C10orf90: variants seen among roughly 807,000 people sequenced by gnomAD.
The protein encoded by C10orf90 is (E2-independent) E3 ubiquitin-conjugating enzyme FATS.
C10orf90 carries 56 observed loss-of-function variants against 62.5 expected under a neutral mutation model. That is an observed-to-expected ratio of 0.90 (90% CI 0.72 to 1.12). C10orf90 has a LOEUF of 1.12. Ranked by LOEUF, C10orf90 falls within the 50% of genes most tolerant of loss-of-function variation. The pLI, the probability that C10orf90 is intolerant of heterozygous loss-of-function variation, is 0.00. For missense variants in C10orf90, 970 were observed against 880.4 expected (o/e 1.10, Z -1.29); for synonymous variants, 386 against 340.4 (o/e 1.13, Z -1.47).
chr10:126,549,436 G>A (rs907876919), intron 2 of C10orf90, among the ~76,000 whole-genome samples: 2 of 152,156 alleles, frequency 1.3e-5, no homozygotes, highest in African/African-American at 4.8e-5. Flanking sequence ...AGCCATTAGG[G>A]AAATGCAAAT....
At chr10:126,535,748 C>T (rs1564861546) in intron 2 of C10orf90, among the ~76,000 whole-genome samples, 1 of 152,152 alleles carries the variant, frequency 6.6e-6, no homozygotes, top group African/African-American at 2.4e-5. Context: ...CTGCCTTAGC[C>T]AGCCGAGCTT....
At chr10:126,648,813 T>C (rs1846221597) in intron 1 of C10orf90, among the ~76,000 whole-genome samples, 2 of 152,210 alleles carry the variant, frequency 1.3e-5, no homozygotes, top group Non-Finnish European at 2.9e-5. Context: ...TCTTGTGTGG[T>C]TCTTTTAAGA....
chr10:126,426,053 C>CT lies in C10orf90; in HGVS notation c.2289dup (p.Glu764ArgfsTer12). 1 of 1,614,142 alleles carries CT rather than the reference C, an allele frequency of 6.2e-7. No homozygotes were observed. The highest frequency in any genetic ancestry group is 8.5e-7 in the Non-Finnish European group (1 of 1,179,994). Reference sequence around the variant, plus strand: ...AAGATCACCCTTTTCCTTTGTTCTTCTTTTTTCTTTTTAACTTCCGGCAAG... The same window carrying CT: ...AAGATCACCCTTTTCCTTTGTTCTTCTTTTTTTCTTTTTAACTTCCGGCAAG... On this transcript the variant is annotated frameshift_variant, in exon 9 of 10. Coordinates refer to ENST00000488181, the MANE Select transcript of C10orf90 (RefSeq NM_001350921.2). LOFTEE classifies it high-confidence loss of function.
At chr10:126,474,479 A>G (rs911612008) in intron 4 of C10orf90, among the ~76,000 whole-genome samples, 6 of 152,206 alleles carry the variant, frequency 3.9e-5, no homozygotes, top group Admixed American at 3.9e-4. Context: ...AACTACTCTC[A>G]GAAAAAGGAC....
intron 7 of C10orf90, among the ~76,000 whole-genome samples, chr10:126,431,925 G>A (rs1313800692): frequency 6.6e-6 from 1 of 152,052 alleles, no homozygotes; most frequent in Non-Finnish European, 1.5e-5. Flanking sequence ...ACTCGGCTCA[G>A]CCTGCTGTGC....
Position 126,504,144 on chromosome 10 carries a change from C to T in C10orf90, c.1347G>A (p.Arg449=). Residue 449 remains arginine, a synonymous_variant, in exon 4 of 10, where the codon CGG becomes CGA. Transcript: ENST00000488181. The surrounding 1 kb of genome is among the most constrained non-coding windows in gnomAD (Gnocchi z 4.1). The part of the protein sequence containing the change: ...SHLKETPSLR[R]VHLGTGACPW... ...GACAAGCGCCGGTCCCCAAATGCAC[C>T]CGCCTCAACGATGGGGTTTCCTTCA... 6.2e-7 allele frequency: 1 copy of T among 1,614,152 alleles called. No homozygotes were observed. Among genetic ancestry groups the T allele is most frequent in the Non-Finnish European group, 8.5e-7 (1 of 1,180,034 alleles).
intron 4 of C10orf90, chr10:126,502,635 T>G: frequency 3.3e-6 from 1 of 303,136 alleles, no homozygotes; most frequent in Non-Finnish European, 6.6e-6. Flanking sequence ...TCCAAATTAT[T>G]ATTTCACACC....
chr10:126,669,992 G>A lies in C10orf90; in HGVS notation c.240+249C>T, dbSNP rs184429009. On this transcript the variant is annotated intron_variant, in intron 1 of 9. Transcript: ENST00000488181. ...CAGTAGTCTTTGGAGCACCAATAAAGTTTGTAAATGCAGACATGTGTCATC... is the reference window on the plus strand; with the variant it reads ...CAGTAGTCTTTGGAGCACCAATAAAATTTGTAAATGCAGACATGTGTCATC... 2.0e-3 allele frequency among the ~76,000 whole-genome samples: 306 copies of A among 152,234 alleles called. 1 individual carries two copies. The highest frequency in any genetic ancestry group is 7.1e-3 in the African/African-American group (294 of 41,548).
intron 2 of C10orf90, among the ~76,000 whole-genome samples, chr10:126,621,999 G>A (rs1048948463): frequency 1.3e-5 from 2 of 151,892 alleles, no homozygotes; most frequent in Non-Finnish European, 1.5e-5. Context: ...CAGATTCCCA[G>A]GTTAGCAAGC....
At chr10:126,604,282 A>T (rs1180322929) in intron 2 of C10orf90, among the ~76,000 whole-genome samples, 4 of 152,118 alleles carry the variant, frequency 2.6e-5, no homozygotes, top group African/African-American at 4.8e-5. Flanking sequence ...AACCAGCATC[A>T]CCTGGGCATC....
At chr10:126,615,349 GT>G (rs1845519290) in intron 2 of C10orf90, among the ~76,000 whole-genome samples, 1 of 152,174 alleles carries the variant, frequency 6.6e-6, no homozygotes, top group African/African-American at 2.4e-5. Flanking sequence ...CAGATGTGAG[GT>G]CTTGGATACC....
intron 2 of C10orf90, among the ~76,000 whole-genome samples, chr10:126,518,863 C>T (rs1185166896): frequency 6.6e-6 from 1 of 152,162 alleles, no homozygotes; most frequent in Admixed American, 6.5e-5. Context: ...CCACAAGGCC[C>T]TGAGTCAAGT....
At chr10:126,426,848 T>C (rs1857296041) in intron 8 of C10orf90, among the ~76,000 whole-genome samples, 2 of 152,180 alleles carry the variant, frequency 1.3e-5, no homozygotes, top group Non-Finnish European at 2.9e-5. Context: ...ATTAAAATAA[T>C]AAGGACAATG....
chr10:126,530,573 G>C (rs1033513127), intron 2 of C10orf90, among the ~76,000 whole-genome samples: 1 of 151,756 alleles, frequency 6.6e-6, no homozygotes, highest in South Asian at 2.1e-4. Flanking sequence ...TTAAAGAATT[G>C]ACCCATTATC....
At position 126,504,315 on chromosome 10, in the gene C10orf90, A is replaced by T; in HGVS notation, c.1176T>A (p.Asn392Lys). 1 of 1,614,122 alleles carries T rather than the reference A, an allele frequency of 6.2e-7. No homozygotes were observed. The highest frequency in any genetic ancestry group is 2.2e-5 in the East Asian group (1 of 44,862). Reference sequence around the variant, plus strand: ...CTGCTGTTAATCTGTGGGAACTACAATTGAGGTTGAGCGACAGGACGGATC... The same window carrying T: ...CTGCTGTTAATCTGTGGGAACTACATTTGAGGTTGAGCGACAGGACGGATC... ...MHRSVLSLNL[N>K]CSSHRLTADG... is the part of the protein sequence containing the mutation. The change falls in exon 4 of 10, where the codon AAT becomes AAA. Residue 392 changes from asparagine (N) to lysine (K), a missense_variant. Transcript: ENST00000488181. This position sits in a 1 kb window ranked among gnomAD's most constrained non-coding sequence, Gnocchi z 4.1.
chr10:126,660,397 T>A (rs114965283), intron 1 of C10orf90, among the ~76,000 whole-genome samples: 2 of 152,220 alleles, frequency 1.3e-5, no homozygotes, highest in Non-Finnish European at 2.9e-5. Context: ...CCTTCTGGCC[T>A]TGAAGAAGCA....
intron 4 of C10orf90, chr10:126,502,750 A>G (rs750331370): frequency 5.9e-6 from 3 of 506,166 alleles, no homozygotes; most frequent in Non-Finnish European, 1.2e-5. Context: ...CGAAGTGCTT[A>G]GCTTGAGCAA....
chr10:126,626,079 A>C (rs1307361538), intron 2 of C10orf90, among the ~76,000 whole-genome samples: 1 of 150,602 alleles, frequency 6.6e-6, no homozygotes, highest in Non-Finnish European at 1.5e-5. Context: ...CAGTGAGCTG[A>C]GATCGTGCCA....
intron 3 of C10orf90, among the ~76,000 whole-genome samples, chr10:126,506,919 A>AGTGTGTGTGTGTGTGTGT (rs61651582): frequency 6.7e-6 from 1 of 149,336 alleles, no homozygotes; most frequent in African/African-American, 2.5e-5. Flanking sequence ...CAGGAGGGCC[A>AGTGTGTGTGTGTGTGTGT]GTGTGTGTGT....
Sources: allele counts gnomAD v4.1 joint callset (sites outside exome capture counted in the v4.1 genomes callset), GRCh38; gene constraint gnomAD v4.1.1; non-coding constraint Gnocchi (gnomAD v3.1); transcripts MANE v1.5; gene names NCBI Gene and HGNC (gene_info 2026-07-23, HGNC 2026-07-21).